Variants in SND1 observed in about 807,000 individuals in gnomAD.
The protein encoded by SND1 is staphylococcal nuclease domain-containing protein 1.
Under a neutral mutation model 121.7 loss-of-function variants are expected in SND1, and 38 were observed. The ratio of observed to expected loss-of-function variants is 0.31; its 90% CI spans 0.24 to 0.41. The LOEUF is 0.41. SND1 is among the 10% of genes least tolerant of loss of function. The pLI is 1.00. For missense variants in SND1, 868 were observed against 1,184.6 expected, an observed-to-expected ratio of 0.73 and a Z score of 3.92; for synonymous variants, 401 against 447.4, an observed-to-expected ratio of 0.90 and a Z score of 1.31.
chr7:127,769,924 A>G (rs1246684569), intron 10 of SND1, among the ~76,000 whole-genome samples: 1 of 152,158 alleles, frequency 6.6e-6, no homozygotes, highest in Non-Finnish European at 1.5e-5. Context: ...CCTGATAAGG[A>G]TATTTATGAG....
intron 16 of SND1, chr7:127,999,958 C>T (rs1802780787): frequency 6.6e-6 from 1 of 151,550 alleles, no homozygotes; most frequent in South Asian, 2.1e-4. Flanking sequence ...GCTAGGAGAG[C>T]TGGGTGCCAT....
intron 10 of SND1, among the ~76,000 whole-genome samples, chr7:127,781,381 G>GC (rs1383587069): frequency 5.3e-5 from 8 of 150,942 alleles, no homozygotes; most frequent in African/African-American, 1.2e-4. Context: ...GTTCCTCCCC[G>GC]CCCCCCCTTC....
At chr7:127,760,316 A>C (rs1797280101) in intron 10 of SND1, among the ~76,000 whole-genome samples, 1 of 152,186 alleles carries the variant, frequency 6.6e-6, no homozygotes, top group Non-Finnish European at 1.5e-5. Context: ...ACTAGTTCTG[A>C]GATAGTGGGA....
At chr7:127,877,587 C>T (rs1799714689) in intron 12 of SND1, among the ~76,000 whole-genome samples, 1 of 152,032 alleles carries the variant, frequency 6.6e-6, no homozygotes, top group African/African-American at 2.4e-5. Context: ...TGACATTTCT[C>T]TATCATCCTT....
chr7:128,077,889 C>T (rs1793532755), intron 17 of SND1, among the ~76,000 whole-genome samples: 1 of 152,238 alleles, frequency 6.6e-6, no homozygotes, highest in African/African-American at 2.4e-5. Flanking sequence ...AGCCATACAG[C>T]AATAATTTTC....
In SND1 at chr7:127,789,997, G is replaced by A. The variant is rs77828377; in HGVS notation, c.1153-17487G>A. Reference sequence around the variant, plus strand: ...TCTTTAGAAGTATAGAGGTGGTGACGTAGATTGTTAGGCTGGTGGTTCTGA... The same window carrying A: ...TCTTTAGAAGTATAGAGGTGGTGACATAGATTGTTAGGCTGGTGGTTCTGA... On this transcript the variant is annotated intron_variant, in intron 10 of 23. Coordinates refer to ENST00000354725, the MANE Select transcript of SND1 (RefSeq NM_014390.4). 1.4e-3 allele frequency among the ~76,000 whole-genome samples: 213 copies of A among 152,290 alleles called. 8 individuals carry two copies. In the East Asian group the frequency reaches 0.038, roughly 27 times the overall value.
chr7:128,047,130 C>T (rs540825727), intron 16 of SND1, among the ~76,000 whole-genome samples: 53 of 152,230 alleles, frequency 3.5e-4, no homozygotes, highest in African/African-American at 1.1e-3. Context: ...CATAGGCTAC[C>T]CTCAACTGCC....
chr7:128,058,282 C>T (rs959539864), intron 16 of SND1, among the ~76,000 whole-genome samples: 1 of 152,274 alleles, frequency 6.6e-6, no homozygotes, highest in Non-Finnish European at 1.5e-5. Flanking sequence ...TGAGATGAGC[C>T]AACAGTTATT....
intron 12 of SND1, chr7:127,857,714 C>A (rs560929326): frequency 5.0e-6 from 3 of 594,506 alleles, no homozygotes; most frequent in Non-Finnish European, 9.1e-6. Flanking sequence ...CAAGGCCCCA[C>A]AACTAAAGGC....
chr7:127,968,899 T>C (rs1205274294), intron 15 of SND1, among the ~76,000 whole-genome samples: 1 of 152,224 alleles, frequency 6.6e-6, no homozygotes, highest in Non-Finnish European at 1.5e-5. Context: ...TTCCTTCTAT[T>C]GTAAACATCT....
intron 16 of SND1, among the ~76,000 whole-genome samples, chr7:127,994,047 C>T (rs1802580253): frequency 6.6e-6 from 1 of 152,232 alleles, no homozygotes; most frequent in Admixed American, 6.5e-5. Flanking sequence ...AGTGCATTGT[C>T]CTGGCTTTTG....
At chr7:127,893,586 A>G (rs139636266) in intron 13 of SND1, among the ~76,000 whole-genome samples, 2 of 152,262 alleles carry the variant, frequency 1.3e-5, no homozygotes, top group East Asian at 1.9e-4. Flanking sequence ...TAGGAAAGCA[A>G]TTGTATTGAA....
At chr7:128,040,186 G>A (rs1410655690) in intron 16 of SND1, among the ~76,000 whole-genome samples, 2 of 152,008 alleles carry the variant, frequency 1.3e-5, no homozygotes, top group Admixed American at 6.5e-5. Flanking sequence ...AGCTTTGTCA[G>A]TGACTTTCTT....
intron 16 of SND1, among the ~76,000 whole-genome samples, chr7:128,067,699 G>A (rs1244030714): frequency 1.3e-5 from 2 of 152,140 alleles, no homozygotes; most frequent in Admixed American, 6.5e-5. Context: ...GTAATTTTCT[G>A]TACTGCCTCA....
At position 128,073,012 on chromosome 7, in the gene SND1, T is replaced by TA. The variant is rs530731545; in HGVS notation, c.1780-1489dup. On this transcript the variant is annotated intron_variant, in intron 16 of 23. Coordinates refer to ENST00000354725, the MANE Select transcript of SND1 (RefSeq NM_014390.4). ...GCCAGCACTTACGCCCAGACTCTAC[T>TA]AGTGAGCTGCAGGGTCCCACGGTCC... 2.8e-3 allele frequency among the ~76,000 whole-genome samples: 429 copies of TA among 152,302 alleles called. 1 individual carries two copies. The highest frequency in any genetic ancestry group is 5.3e-3 in the Non-Finnish European group (360 of 68,014).
intron 16 of SND1, among the ~76,000 whole-genome samples, chr7:128,014,631 C>T (rs1032927543): frequency 2.0e-5 from 3 of 152,174 alleles, no homozygotes; most frequent in Non-Finnish European, 2.9e-5. Flanking sequence ...GCTTCCCACC[C>T]ACCCACAGGC....
At chr7:127,833,970 GT>G (rs146414745) in intron 11 of SND1, among the ~76,000 whole-genome samples, 5 of 149,050 alleles carry the variant, frequency 3.4e-5, no homozygotes, top group Non-Finnish European at 7.5e-5. Flanking sequence ...TTGTAAGTAA[GT>G]TTTTTTTTTG....
intron 12 of SND1, among the ~76,000 whole-genome samples, chr7:127,863,382 A>G (rs1214517995): frequency 2.0e-5 from 3 of 152,114 alleles, no homozygotes; most frequent in Non-Finnish European, 2.9e-5. Flanking sequence ...TTTACTGTAG[A>G]GTCTTATGGC....
chr7:127,783,539 A>G (rs1322129146), intron 10 of SND1, among the ~76,000 whole-genome samples: 2 of 152,154 alleles, frequency 1.3e-5, no homozygotes, highest in African/African-American at 2.4e-5. Flanking sequence ...AATACCTATG[A>G]TTAGAGAGGC....
Sources: gnomAD v4.1 joint callset for allele counts (sites outside exome capture counted in the v4.1 genomes callset) on GRCh38, gnomAD v4.1.1 for gene constraint, MANE v1.5 for transcripts, NCBI Gene and HGNC (gene_info 2026-07-23, HGNC 2026-07-21) for gene names.